TRMT1L: variants seen among roughly 807,000 people sequenced by gnomAD.
The protein encoded by TRMT1L is tRNA (guanine(27)-N(2))-dimethyltransferase.
TRMT1L carries 28 observed loss-of-function variants against 81.6 expected under a neutral mutation model. That is an observed-to-expected ratio of 0.34 (90% CI 0.25 to 0.47). The LOEUF is 0.47. Among genes scored for constraint, TRMT1L ranks in the 20% least tolerant of loss-of-function variants. The pLI is 1.00. For missense variants in TRMT1L, 739 were observed against 877.1 expected (o/e 0.84, Z 1.99); for synonymous variants, 301 against 303.2 (o/e 0.99, Z 0.07).
rs1304130275 is a variant in TRMT1L, at chr1:185,137,679, C to T, written c.1440G>A (p.Lys480=). The change falls in exon 10 of 15, where the codon AAG becomes AAA. Residue 480 remains lysine (K), a synonymous_variant. Transcript: ENST00000367506. The part of the protein sequence containing the change: ...RGPTSADETA[K]KIQYLIHCQW... Reference sequence around the variant, plus strand: ...GACAATGGATCAGGTATTGAATCTTCTTGGCTGTTTCATCTGCTGAAGTAG... The same window carrying T: ...GACAATGGATCAGGTATTGAATCTTTTTGGCTGTTTCATCTGCTGAAGTAG... 2.5e-6 allele frequency: 4 copies of T among 1,614,034 alleles called. No individual in the cohort carries two copies. The highest frequency in any genetic ancestry group is 3.4e-6 in the Non-Finnish European group (4 of 1,180,030).
intron 10 of TRMT1L, among the ~76,000 whole-genome samples, chr1:185,131,797 TGAAA>T (rs1652777688): frequency 1.3e-5 from 2 of 152,198 alleles, no homozygotes; most frequent in African/African-American, 4.8e-5. Flanking sequence ...ACAGAGTTCC[TGAAA>T]GAGACAACAG....
chr1:185,122,601 T>C (rs538043289), intron 13 of TRMT1L, among the ~76,000 whole-genome samples: 2 of 152,218 alleles, frequency 1.3e-5, no homozygotes, highest in South Asian at 4.1e-4. Context: ...CTAAAAAGGA[T>C]TTAAGATAAT....
chr1:185,156,378 T>C, intron 1 of TRMT1L, 100 bp downstream of exon 1: 2 of 1,611,624 alleles, frequency 1.2e-6, no homozygotes, highest in Non-Finnish European at 1.7e-6. Flanking sequence ...AAACCTGCCT[T>C]GCCCCATAAA....
chr1:185,144,297 T>C (rs1455514461), intron 5 of TRMT1L, among the ~76,000 whole-genome samples: 1 of 152,010 alleles, frequency 6.6e-6, no homozygotes, highest in Non-Finnish European at 1.5e-5. Flanking sequence ...ATCTTGACTG[T>C]CCAGCACATC....
intron 10 of TRMT1L, among the ~76,000 whole-genome samples, chr1:185,133,323 A>G (rs1237627024): frequency 1.3e-5 from 2 of 152,042 alleles, no homozygotes; most frequent in Admixed American, 1.3e-4. Flanking sequence ...TCAGTCTCCT[A>G]AAGTGCTGGG....
At chr1:185,127,031 G>C (rs1652646719) in intron 11 of TRMT1L, among the ~76,000 whole-genome samples, 1 of 152,162 alleles carries the variant, frequency 6.6e-6, no homozygotes, top group South Asian at 2.1e-4. Flanking sequence ...TCAGTCCTGG[G>C]AGTCAGAAAA....
chr1:185,123,751 G>T, intron 13 of TRMT1L, 106 bp downstream of exon 13: 2 of 668,656 alleles, frequency 3.0e-6, no homozygotes, highest in Non-Finnish European at 4.9e-6. Context: ...AATATGAAAT[G>T]TATTTTTAAG....
At chr1:185,137,856 T>C (rs1652939517) in intron 9 of TRMT1L, 60 bp from the exon 10 acceptor site, 5 of 1,537,900 alleles carry the variant, frequency 3.3e-6, no homozygotes, top group Middle Eastern at 1.7e-4. Context: ...TTTGGCATTA[T>C]ACTGACAATA....
chr1:185,121,495 A>G (rs1379969491), intron 13 of TRMT1L, among the ~76,000 whole-genome samples: 2 of 152,166 alleles, frequency 1.3e-5, no homozygotes, highest in Non-Finnish European at 2.9e-5. Flanking sequence ...AATAAATTAC[A>G]TTCAAAATAA....
intron 5 of TRMT1L, among the ~76,000 whole-genome samples, chr1:185,145,087 CTT>C (rs1653154112): frequency 6.6e-6 from 1 of 151,918 alleles, no homozygotes; most frequent in South Asian, 2.1e-4. Context: ...AATAATAAGT[CTT>C]TATTTCACTG....
chr1:185,120,651 A>G (rs941253146), intron 13 of TRMT1L, 142 bp from the exon 14 acceptor site: 9 of 738,338 alleles, frequency 1.2e-5, no homozygotes, highest in Non-Finnish European at 1.7e-5. Context: ...AATTTATTCT[A>G]TTTTCACGGT....
intron 6 of TRMT1L, 136 bp from the exon 7 acceptor site, chr1:185,143,572 G>A (rs1394561151): frequency 4.4e-6 from 3 of 689,642 alleles, no homozygotes; most frequent in Non-Finnish European, 6.8e-6. Context: ...AACATATTCT[G>A]AATTTAATAC....
intron 3 of TRMT1L, among the ~76,000 whole-genome samples, chr1:185,149,831 T>C (rs1028840152): frequency 1.3e-5 from 2 of 152,136 alleles, no homozygotes; most frequent in African/African-American, 4.8e-5. Flanking sequence ...TTGTTGAACT[T>C]ATTCCCTCAA....
chr1:185,124,955 A>G lies in TRMT1L; in HGVS notation c.1748T>C (p.Val583Ala), dbSNP rs1380684870. 1.2e-6 allele frequency: 2 copies of G among 1,610,248 alleles called. No homozygotes were observed. The highest frequency in any genetic ancestry group is 1.1e-5 in the South Asian group (1 of 90,228). Residue 583 changes from valine (V) to alanine (A), a missense_variant, in exon 12 of 15, where the codon GTC becomes GCC. This residue lies in a region of TRMT1L where 196 missense variants were observed against 232.6 expected (regional missense o/e 0.84). Transcript: ENST00000367506. ...SQFSIHASSNVNKQEENGVFI... is the reference protein window; with the variant it reads ...SQFSIHASSNANKQEENGVFI... ...GTTCAGTTAGTCACCTTGCTTGTTGACATTTGAAGATGCATGAATTGAAAA... is the reference window on the plus strand; with the variant it reads ...GTTCAGTTAGTCACCTTGCTTGTTGGCATTTGAAGATGCATGAATTGAAAA...
intron 10 of TRMT1L, among the ~76,000 whole-genome samples, chr1:185,135,345 G>A (rs1652869930): frequency 6.6e-6 from 1 of 151,140 alleles, no homozygotes; most frequent in South Asian, 2.1e-4. Context: ...GAACCTGGGA[G>A]ATGGAAGCTG....
chr1:185,129,314 C>T lies in TRMT1L; in HGVS notation c.1514-567G>A, dbSNP rs190235803. On this transcript the variant is annotated intron_variant, in intron 10 of 14. Coordinates refer to ENST00000367506, the MANE Select transcript of TRMT1L (RefSeq NM_030934.5). ...GATATTTCTCATAAGTTAACTCTTCCGCAGTTGGAAAGAAAATTCCTTATG... is the reference window on the plus strand; with the variant it reads ...GATATTTCTCATAAGTTAACTCTTCTGCAGTTGGAAAGAAAATTCCTTATG... Among the ~76,000 whole-genome samples, 339 of 152,236 alleles carry T rather than the reference C, an allele frequency of 2.2e-3. 2 individuals carry two copies. Among genetic ancestry groups the T allele is most frequent in the African/African-American group, 7.5e-3 (313 of 41,544 alleles).
Position 185,147,256 on chromosome 1 carries a change from A to G in TRMT1L, c.461-10T>C, listed in dbSNP as rs201028245. 50 of 1,596,420 alleles carry G rather than the reference A, an allele frequency of 3.1e-5. No individual in the cohort carries two copies. The Admixed American group carries it at 8.3e-4, about 27-fold the overall frequency. On this transcript the variant is annotated splice_polypyrimidine_tract_variant and intron_variant, in intron 3 of 14. Coordinates refer to ENST00000367506, the MANE Select transcript of TRMT1L (RefSeq NM_030934.5). ...ATGCACATCCTGTAACCTAAAATAAAGAATGGCTGGTTATCATACATTGTT... is the reference window on the plus strand; with the variant it reads ...ATGCACATCCTGTAACCTAAAATAAGGAATGGCTGGTTATCATACATTGTT...
chr1:185,144,567 C>T (rs985642990), intron 5 of TRMT1L, among the ~76,000 whole-genome samples: 2 of 151,412 alleles, frequency 1.3e-5, no homozygotes, highest in Admixed American at 6.6e-5. Context: ...ATTGAAATGG[C>T]TACAAAGTAA....
chr1:185,137,345 G>C, intron 10 of TRMT1L: 1 of 509,788 alleles, frequency 2.0e-6, no homozygotes, highest in South Asian at 2.2e-5. Context: ...AAAATTAGTT[G>C]AGAGTGGAAA....
Sources: gnomAD v4.1 joint callset for allele counts (sites outside exome capture counted in the v4.1 genomes callset) on GRCh38, gnomAD v4.1.1 for gene constraint, gnomAD v4.1.1 regional missense constraint, MANE v1.5 for transcripts, NCBI Gene and HGNC (gene_info 2026-07-23, HGNC 2026-07-21) for gene names.